WDR59: variants seen among roughly 807,000 people sequenced by gnomAD.
WDR59 encodes the protein GATOR2 complex protein WDR59.
Under a neutral mutation model 131.2 loss-of-function variants are expected in WDR59, and 100 were observed. That is an observed-to-expected ratio of 0.76 (90% CI 0.65 to 0.90). WDR59 has a LOEUF of 0.90. WDR59 is among the 40% of genes least tolerant of loss of function. The pLI is 0.00. For synonymous variants in WDR59, 601 were observed against 466.2 expected (o/e 1.29, Z -3.72); for missense variants, 1,203 against 1,262.2 (o/e 0.95, Z 0.71).
intron 6 of WDR59, 24 bp downstream of exon 6, chr16:74,948,495 G>A (rs1443008834): frequency 1.9e-6 from 3 of 1,608,944 alleles, no homozygotes; most frequent in Non-Finnish European, 2.6e-6. Context: ...GCGCCAGGGT[G>A]AGGTGGGAGA....
intron 7 of WDR59, 91 bp downstream of exon 7, chr16:74,942,646 CT>C (rs2032321052): frequency 9.4e-6 from 12 of 1,274,584 alleles, no homozygotes; most frequent in Non-Finnish European, 1.1e-6. Flanking sequence ...GTTCCCCAGA[CT>C]CTCAAGCCAA....
Position 74,938,135 on chromosome 16 carries a change from A to G in WDR59, c.651+15T>C, listed in dbSNP as rs761149218. 4 of 1,487,920 alleles carry G rather than the reference A, an allele frequency of 2.7e-6. No individual in the cohort carries two copies. The highest frequency in any genetic ancestry group is 3.6e-6 in the Non-Finnish European group (4 of 1,113,440). 92.2% of individuals were successfully genotyped at this position (1,487,920 alleles called of 1,614,324 possible). A position where few individuals can be genotyped will look rare whatever the true frequency, so the allele number is the denominator to read the frequency against. On this transcript the variant is annotated intron_variant, in intron 8 of 25. Transcript: ENST00000262144. ...CAAACACTGCTCCTCCAACTTCCCC[A>G]TGGGTGCCACTGACCTTCACAGAAT... is the stretch of plus-strand genomic sequence containing the variant.
intron 6 of WDR59, among the ~76,000 whole-genome samples, chr16:74,947,192 T>A (rs893953074): frequency 6.6e-6 from 1 of 152,218 alleles, no homozygotes; most frequent in African/African-American, 2.4e-5. Flanking sequence ...CTCAAGCCTA[T>A]AATCCCAGCA....
intron 18 of WDR59, among the ~76,000 whole-genome samples, chr16:74,894,900 T>C (rs964828067): frequency 1.4e-4 from 22 of 152,316 alleles, no homozygotes; most frequent in East Asian, 3.9e-4. Context: ...GCAAATTAAA[T>C]GGAAAAGTGT....
intron 1 of WDR59, chr16:74,984,514 A>C: frequency 5.0e-6 from 1 of 201,336 alleles, no homozygotes; most frequent in Non-Finnish European, 1.0e-5. Flanking sequence ...AGACGCTGCA[A>C]CAGGCACTTT....
intron 25 of WDR59, among the ~76,000 whole-genome samples, chr16:74,882,717 T>A (rs1415562477): frequency 1.4e-5 from 2 of 143,884 alleles, no homozygotes; most frequent in Non-Finnish European, 3.0e-5. Flanking sequence ...GGTTGAGGTG[T>A]GAGAATCACT....
intron 24 of WDR59, 39 bp from the exon 25 acceptor site, chr16:74,885,834 A>G: frequency 6.2e-7 from 1 of 1,604,050 alleles, no homozygotes. Flanking sequence ...AGTTCCTTTA[A>G]GAAAAAACAA....
chr16:74,918,115 T>C (rs1209858730), intron 10 of WDR59, 107 bp from the exon 11 acceptor site: 1 of 1,047,354 alleles, frequency 9.5e-7, no homozygotes, highest in Non-Finnish European at 1.5e-6. Context: ...AAACATCTAC[T>C]GAACATTTCT....
At chr16:74,934,021 T>TA (rs1429263874) in intron 8 of WDR59, among the ~76,000 whole-genome samples, 1 of 152,244 alleles carries the variant, frequency 6.6e-6, no homozygotes, top group Non-Finnish European at 1.5e-5. Context: ...GGGTAAACTA[T>TA]AATTCGCCCC....
chr16:74,888,181 G>T lies in WDR59; in HGVS notation c.2334C>A (p.Ser778=). The change falls in exon 22 of 26, where the codon TCC becomes TCA. Residue 778 remains serine (S), a synonymous_variant. Transcript: ENST00000262144. ...AGGACAAACTTACATATCGACTATG[G>T]GACACCACAAGATTAGAAGAACGGT... ...FPNRSSNLVV[S]HSRYPSFTSS... 1 of 1,608,062 alleles carries T rather than the reference G, an allele frequency of 6.2e-7. No individual in the cohort carries two copies. The highest frequency in any genetic ancestry group is 1.1e-5 in the South Asian group (1 of 89,900).
intron 8 of WDR59, chr16:74,930,926 A>G (rs2031331418): frequency 6.6e-6 from 1 of 151,294 alleles, no homozygotes; most frequent in Non-Finnish European, 1.5e-5. Context: ...AGAAAAGAAA[A>G]GAAAAGAAAA....
intron 11 of WDR59, among the ~76,000 whole-genome samples, 167 bp from the exon 12 acceptor site, chr16:74,916,426 T>A (rs1204715245): frequency 6.6e-6 from 1 of 152,192 alleles, no homozygotes; most frequent in Non-Finnish European, 1.5e-5. Flanking sequence ...CTCTCCCTGG[T>A]TAAACACCAG....
chr16:74,941,708 A>AAG (rs397813588), intron 7 of WDR59, among the ~76,000 whole-genome samples: 3 of 150,860 alleles, frequency 2.0e-5, no homozygotes, highest in African/African-American at 7.3e-5. Flanking sequence ...AAAAAAAAAA[A>AAG]GAAGATGCAC....
chr16:74,949,176 T>A (rs900419972), intron 5 of WDR59, among the ~76,000 whole-genome samples: 4 of 149,526 alleles, frequency 2.7e-5, no homozygotes, highest in African/African-American at 4.9e-5. Flanking sequence ...AATAAAAAAA[T>A]AAAAATTAGC....
intron 3 of WDR59, among the ~76,000 whole-genome samples, chr16:74,955,083 A>G (rs1213466607): frequency 2.0e-5 from 3 of 152,224 alleles, no homozygotes; most frequent in Non-Finnish European, 4.4e-5. Context: ...AGGATACTGA[A>G]TTGTTCACTT....
chr16:74,949,988 C>T, intron 4 of WDR59, 190 bp from the exon 5 acceptor site: 4 of 646,306 alleles, frequency 6.2e-6, no homozygotes, highest in Non-Finnish European at 1.2e-5. Context: ...CTGTCAGGTC[C>T]TTCGCCAGCT....
At chr16:74,906,212 G>A (rs1049763783) in intron 17 of WDR59, among the ~76,000 whole-genome samples, 4 of 149,390 alleles carry the variant, frequency 2.7e-5, no homozygotes, top group African/African-American at 9.9e-5. Flanking sequence ...TACTCGGGAG[G>A]CTGAGGCAGG....
intron 3 of WDR59, among the ~76,000 whole-genome samples, chr16:74,954,676 C>T (rs2033192934): frequency 6.6e-6 from 1 of 152,174 alleles, no homozygotes; most frequent in South Asian, 2.1e-4. Context: ...AAAACAAGTA[C>T]CTCCACACAT....
At chr16:74,980,163 T>A (rs2034345835) in intron 1 of WDR59, among the ~76,000 whole-genome samples, 1 of 151,078 alleles carries the variant, frequency 6.6e-6, no homozygotes, top group African/African-American at 2.4e-5. Flanking sequence ...CTGGCCTAAG[T>A]TTTCTTATAG....
Sources: gnomAD v4.1 joint callset for allele counts (sites outside exome capture counted in the v4.1 genomes callset) on GRCh38, gnomAD v4.1.1 for gene constraint, MANE v1.5 for transcripts, NCBI Gene and HGNC (gene_info 2026-07-23, HGNC 2026-07-21) for gene names.